The following WWOX variants were observed in gnomAD, a reference collection of about 807,000 sequenced individuals.
The protein encoded by WWOX is WW domain containing oxidoreductase.
A neutral mutation model predicts 46.2 loss-of-function variants in WWOX; 69 were observed. The observed-to-expected ratio is 1.49, with a 90% CI of 1.23 to 1.82. WWOX has a LOEUF of 1.82. WWOX is among the 40% of genes most tolerant of loss of function. The probability of loss-of-function intolerance (pLI) is 0.00; values close to 1 mark genes in which losing one functional copy is unlikely to be tolerated. For missense variants in WWOX, 919 were observed against 542.6 expected, an observed-to-expected ratio of 1.69 and a Z score of -6.89; for synonymous variants, 359 against 202.6, an observed-to-expected ratio of 1.77 and a Z score of -6.56.
intron 5 of WWOX, among the ~76,000 whole-genome samples, chr16:78,337,606 A>G (rs889571924): frequency 6.6e-6 from 1 of 152,158 alleles, no homozygotes; most frequent in Non-Finnish European, 1.5e-5. Flanking sequence ...TTCCAATTTC[A>G]TACAGCGTAG....
chr16:79,204,182 C>G (rs760394853), intron 8 of WWOX: 1 of 152,110 alleles, frequency 6.6e-6, no homozygotes, highest in Non-Finnish European at 1.5e-5. Flanking sequence ...AGAAACTGTA[C>G]TTTGAGCAAT....
intron 8 of WWOX, among the ~76,000 whole-genome samples, chr16:78,963,460 C>G (rs558187470): frequency 1.9e-4 from 29 of 152,032 alleles, no homozygotes; most frequent in African/African-American, 6.3e-4. Context: ...AGAGTAATAC[C>G]CCGTCTCAGA....
At chr16:78,456,509 C>T (rs1039454144) in intron 8 of WWOX, among the ~76,000 whole-genome samples, 4 of 152,138 alleles carry the variant, frequency 2.6e-5, no homozygotes, top group African/African-American at 9.7e-5. Context: ...AAGCAATAGC[C>T]TTAAATTCTT....
intron 6 of WWOX, among the ~76,000 whole-genome samples, chr16:78,396,981 T>C (rs1032475932): frequency 1.3e-5 from 2 of 152,242 alleles, no homozygotes; most frequent in African/African-American, 4.8e-5. Context: ...AAATTCATTT[T>C]ACTAGCACCC....
At chr16:78,239,512 G>T (rs2037558234) in intron 5 of WWOX, among the ~76,000 whole-genome samples, 1 of 152,134 alleles carries the variant, frequency 6.6e-6, no homozygotes, top group South Asian at 2.1e-4. Context: ...TTCTTGCTTA[G>T]GCATTAGTGA....
At chr16:78,612,220 T>C (rs2045917851) in intron 8 of WWOX, among the ~76,000 whole-genome samples, 1 of 152,160 alleles carries the variant, frequency 6.6e-6, no homozygotes, top group Admixed American at 6.5e-5. Flanking sequence ...GAGGTGTAAA[T>C]GGACAAGAAT....
chr16:79,212,156 TACCACCACG>T lies in WWOX; in HGVS notation c.*361_*369del. 6.6e-7 allele frequency: 1 copy of T among 1,504,358 alleles called. No homozygotes were observed. Among genetic ancestry groups the T allele is most frequent in the Non-Finnish European group, 8.8e-7 (1 of 1,131,488 alleles). The allele number at this position is 1,504,358 out of a possible 1,614,324, so 93.2% of individuals were successfully genotyped here. A position where few individuals can be genotyped will look rare whatever the true frequency, so the allele number is the denominator to read the frequency against. ...CTGAGGTCCCCTCGTCCCATCCAGC[TACCACCACG>T]GCCACCACTGCAGCCGGGGGCTGGC... On this transcript the variant is annotated 3_prime_UTR_variant, in exon 9 of 9. Coordinates refer to ENST00000566780, the MANE Select transcript of WWOX (RefSeq NM_016373.4).
intron 8 of WWOX, among the ~76,000 whole-genome samples, chr16:78,797,358 TAAAAAAAA>T (rs57291441): frequency 9.4e-5 from 11 of 116,620 alleles, no homozygotes; most frequent in African/African-American, 2.7e-4. Context: ...GTCAAAGTGG[TAAAAAAAA>T]AAAAAAAAAA....
chr16:78,924,771 A>T (rs749789933), intron 8 of WWOX, among the ~76,000 whole-genome samples: 3 of 152,150 alleles, frequency 2.0e-5, no homozygotes, highest in South Asian at 2.1e-4. Flanking sequence ...CTGTTTAAGT[A>T]TTTCTGTAAT....
chr16:78,932,772 G>A (rs561721944), intron 8 of WWOX, among the ~76,000 whole-genome samples: 1 of 152,164 alleles, frequency 6.6e-6, no homozygotes, highest in Non-Finnish European at 1.5e-5. Flanking sequence ...CTTCCCAGAA[G>A]AGAGATGACT....
intron 8 of WWOX, among the ~76,000 whole-genome samples, chr16:78,934,100 C>T (rs1218606768): frequency 6.6e-6 from 1 of 151,756 alleles, no homozygotes; most frequent in East Asian, 1.9e-4. Context: ...CTTTCGGAGG[C>T]CTAGGTGGGC....
intron 5 of WWOX, among the ~76,000 whole-genome samples, chr16:78,264,007 T>TTTTTTTTTTTTTTTTTTC (rs1275734186): frequency 7.2e-6 from 1 of 138,660 alleles, no homozygotes; most frequent in Non-Finnish European, 1.5e-5. Flanking sequence ...TTTTTTTTTT[T>TTTTTTTTTTTTTTTTTTC]TTTTTTTTGT....
At chr16:79,023,100 C>A (rs565128794) in intron 8 of WWOX, among the ~76,000 whole-genome samples, 1 of 151,726 alleles carries the variant, frequency 6.6e-6, no homozygotes, top group Admixed American at 6.6e-5. Context: ...CAATCATGTT[C>A]AAGTCTGTAT....
chr16:78,528,800 G>A (rs970654306), intron 8 of WWOX, among the ~76,000 whole-genome samples: 14 of 152,048 alleles, frequency 9.2e-5, no homozygotes, highest in African/African-American at 3.4e-4. Context: ...CTGGTTCTTC[G>A]TGTTCAGCAT....
At chr16:78,664,990 A>G (rs2047297971) in intron 8 of WWOX, among the ~76,000 whole-genome samples, 1 of 152,202 alleles carries the variant, frequency 6.6e-6, no homozygotes, top group Non-Finnish European at 1.5e-5. Context: ...TGCTTAATGA[A>G]AGAACTGACG....
intron 8 of WWOX, among the ~76,000 whole-genome samples, chr16:78,463,094 C>G (rs1315286189): frequency 2.0e-5 from 3 of 152,198 alleles, no homozygotes; most frequent in African/African-American, 7.2e-5. Context: ...TGTTTCATGT[C>G]AGATCCGTAT....
At chr16:78,233,597 G>A (rs1030305301) in intron 5 of WWOX, among the ~76,000 whole-genome samples, 1 of 148,666 alleles carries the variant, frequency 6.7e-6, no homozygotes, top group East Asian at 2.0e-4. Flanking sequence ...CGCGATCTCG[G>A]CTCATTGCAA....
intron 8 of WWOX, among the ~76,000 whole-genome samples, chr16:78,559,053 A>C (rs530831623): frequency 2.6e-5 from 4 of 152,230 alleles, no homozygotes; most frequent in Non-Finnish European, 5.9e-5. Flanking sequence ...CGCTACGTGG[A>C]AGGACACATA....
chr16:79,113,687 A>G (rs746805731), intron 8 of WWOX, among the ~76,000 whole-genome samples: 1 of 152,140 alleles, frequency 6.6e-6, no homozygotes, highest in Non-Finnish European at 1.5e-5. Context: ...GACCTGGAAG[A>G]TCTTGGAGTG....
Sources: allele counts gnomAD v4.1 joint callset (sites outside exome capture counted in the v4.1 genomes callset), GRCh38; gene constraint gnomAD v4.1.1; transcripts MANE v1.5; gene names NCBI Gene and HGNC (gene_info 2026-07-23, HGNC 2026-07-21).